Variants in ADCY2 observed in about 807,000 individuals in gnomAD.
ADCY2 encodes the protein adenylate cyclase type 2.
A neutral mutation model predicts 125.2 loss-of-function variants in ADCY2; 31 were observed. That is an observed-to-expected ratio of 0.25 (90% CI 0.19 to 0.33). The LOEUF (loss-of-function observed/expected upper bound fraction) is 0.33. Among genes scored for constraint, ADCY2 ranks in the 10% least tolerant of loss-of-function variants. The pLI is 1.00. For synonymous variants in ADCY2, 512 were observed against 548.4 expected (o/e 0.93, Z 0.93); for missense variants, 904 against 1,418.2 (o/e 0.64, Z 5.82).
chr5:7,752,164 T>G (rs1742848216), intron 15 of ADCY2, among the ~76,000 whole-genome samples: 1 of 152,198 alleles, frequency 6.6e-6, no homozygotes. Context: ...AAAATATGAT[T>G]GATTGGCATA....
At chr5:7,731,125 A>C (rs1482059228) in intron 14 of ADCY2, among the ~76,000 whole-genome samples, 2 of 152,054 alleles carry the variant, frequency 1.3e-5, no homozygotes, top group African/African-American at 2.4e-5. Flanking sequence ...TTCACCCAAC[A>C]TTGAGATTAT....
chr5:7,788,465 C>T (rs1207354113), intron 19 of ADCY2, among the ~76,000 whole-genome samples: 1 of 152,184 alleles, frequency 6.6e-6, no homozygotes, highest in Non-Finnish European at 1.5e-5. Context: ...CAGGCATGAG[C>T]CACCATGTCT....
chr5:7,423,682 G>A (rs189987818), intron 2 of ADCY2, among the ~76,000 whole-genome samples: 6 of 152,236 alleles, frequency 3.9e-5, no homozygotes, highest in African/African-American at 9.6e-5. Flanking sequence ...TATTAGCAGC[G>A]TGAGAACAGA....
At chr5:7,458,917 C>T (rs1175115883) in intron 2 of ADCY2, among the ~76,000 whole-genome samples, 5 of 152,126 alleles carry the variant, frequency 3.3e-5, no homozygotes, top group South Asian at 2.1e-4. Context: ...TGGCTGCTCA[C>T]GGGACTGGCC....
intron 2 of ADCY2, among the ~76,000 whole-genome samples, chr5:7,473,487 G>A (rs567331527): frequency 6.2e-4 from 95 of 152,174 alleles, no homozygotes; most frequent in Non-Finnish European, 1.3e-3. Context: ...CCACCCCCAT[G>A]ACCCAAACAC....
intron 3 of ADCY2, among the ~76,000 whole-genome samples, chr5:7,625,494 CT>C (rs1357128246): frequency 2.0e-5 from 3 of 152,120 alleles, no homozygotes; most frequent in Non-Finnish European, 4.4e-5. Flanking sequence ...TTTAGTTTGT[CT>C]TTATATCTTT....
At chr5:7,460,823 G>T (rs896741570) in intron 2 of ADCY2, among the ~76,000 whole-genome samples, 2 of 152,222 alleles carry the variant, frequency 1.3e-5, no homozygotes, top group Non-Finnish European at 2.9e-5. Context: ...AACCTTGCAA[G>T]TAGTTGGACG....
chr5:7,560,993 A>G lies in ADCY2; in HGVS notation c.570+40094A>G, dbSNP rs572779988. Among the ~76,000 whole-genome samples the G allele has an allele frequency of 1.4e-3, 218 of 152,212 alleles. 1 individual carries two copies. The highest frequency in any genetic ancestry group is 4.9e-3 in the African/African-American group (204 of 41,550). ...GTGAGCCACTGGGCCCAGCCTGCTT[A>G]TTCTTTCTTCTTAAAAATATGTTCG... On this transcript the variant is annotated intron_variant, in intron 3 of 24. Transcript: ENST00000338316.
chr5:7,565,277 A>G (rs1735855050), intron 3 of ADCY2, among the ~76,000 whole-genome samples: 1 of 152,252 alleles, frequency 6.6e-6, no homozygotes, highest in Admixed American at 6.5e-5. Context: ...ACATAAATGA[A>G]ACGCTGGGCA....
intron 3 of ADCY2, among the ~76,000 whole-genome samples, chr5:7,525,715 A>T (rs1734434321): frequency 6.6e-6 from 1 of 152,010 alleles, no homozygotes. Flanking sequence ...TCTCAAGGAC[A>T]TTTCCACTTC....
chr5:7,420,743 G>A (rs572691951), intron 2 of ADCY2, among the ~76,000 whole-genome samples: 7 of 152,316 alleles, frequency 4.6e-5, no homozygotes, highest in South Asian at 2.1e-4. Context: ...GTTCGGGGCA[G>A]CATTTGCATT....
intron 4 of ADCY2, among the ~76,000 whole-genome samples, chr5:7,670,128 A>C (rs1739884300): frequency 6.6e-6 from 1 of 152,182 alleles, no homozygotes; most frequent in South Asian, 2.1e-4. Context: ...TGCCCAGTAT[A>C]TGAAAAACAC....
chr5:7,796,410 A>G (rs1744422388), intron 20 of ADCY2: 2 of 152,264 alleles, frequency 1.3e-5, no homozygotes, highest in Non-Finnish European at 2.9e-5. Flanking sequence ...CAAGACCTGC[A>G]TTAACACAGA....
At chr5:7,433,563 T>A (rs1296386788) in intron 2 of ADCY2, among the ~76,000 whole-genome samples, 2 of 151,960 alleles carry the variant, frequency 1.3e-5, no homozygotes, top group African/African-American at 4.8e-5. Context: ...CTAAGAAGCA[T>A]AAAAACCATA....
At chr5:7,743,925 G>A (rs1742520699) in intron 15 of ADCY2, among the ~76,000 whole-genome samples, 173 bp downstream of exon 15, 1 of 152,116 alleles carries the variant, frequency 6.6e-6, no homozygotes, top group African/African-American at 2.4e-5. Context: ...TATAGACTGG[G>A]ACCCCTCATG....
chr5:7,629,075 T>TC (rs143919329), intron 4 of ADCY2, among the ~76,000 whole-genome samples: 3,941 of 152,286 alleles, frequency 0.026, 178 homozygotes, highest in African/African-American at 0.09. Flanking sequence ...AGTTCTTCAT[T>TC]CCGGAAGGAT....
At chr5:7,646,874 C>T (rs940591464) in intron 4 of ADCY2, among the ~76,000 whole-genome samples, 1 of 152,152 alleles carries the variant, frequency 6.6e-6, no homozygotes, top group Admixed American at 6.5e-5. Flanking sequence ...AAAGCTTGAG[C>T]AAATGGGCAA....
At chr5:7,405,805 C>T (rs72725265) in intron 1 of ADCY2, among the ~76,000 whole-genome samples, 5,952 of 152,292 alleles carry the variant, frequency 0.039, 195 homozygotes, top group Non-Finnish European at 0.059. Flanking sequence ...TGCTGAGCAA[C>T]CCTAATTACT....
At chr5:7,695,932 CT>C in intron 6 of ADCY2, 69 bp downstream of exon 6, 1 of 995,234 alleles carries the variant, frequency 1.0e-6, no homozygotes, top group Non-Finnish European at 1.5e-6. Context: ...CTTCATCCAC[CT>C]ATCAATAGTT....
Sources: allele counts gnomAD v4.1 joint callset (sites outside exome capture counted in the v4.1 genomes callset), GRCh38; gene constraint gnomAD v4.1.1; transcripts MANE v1.5; gene names NCBI Gene and HGNC (gene_info 2026-07-23, HGNC 2026-07-21).